CEP57L1: variants seen among roughly 807,000 people sequenced by gnomAD.
The protein encoded by CEP57L1 is centrosomal protein CEP57L1.
Under a neutral mutation model 61.0 loss-of-function variants are expected in CEP57L1, and 37 were observed. The observed-to-expected ratio is 0.61, with a 90% CI of 0.47 to 0.80. The LOEUF is 0.80. Among genes scored for constraint, CEP57L1 ranks in the 30% least tolerant of loss-of-function variants. The pLI is 0.00. For missense variants in CEP57L1, 422 were observed against 524.7 expected, an observed-to-expected ratio of 0.80 and a Z score of 1.91; for synonymous variants, 137 against 162.3, an observed-to-expected ratio of 0.84 and a Z score of 1.19.
intron 1 of CEP57L1, among the ~76,000 whole-genome samples, chr6:109,110,247 A>G (rs755368003): frequency 1.3e-5 from 2 of 152,100 alleles, no homozygotes; most frequent in Non-Finnish European, 2.9e-5. Flanking sequence ...CTGGCATGAG[A>G]TGGTATCTTA....
At chr6:109,142,435 G>A (rs1315936364) in intron 1 of CEP57L1, among the ~76,000 whole-genome samples, 1 of 152,066 alleles carries the variant, frequency 6.6e-6, no homozygotes, top group Non-Finnish European at 1.5e-5. Flanking sequence ...CACAGAGAGG[G>A]GAACAACATA....
chr6:109,118,816 C>T (rs1583441644), intron 1 of CEP57L1, among the ~76,000 whole-genome samples: 1 of 152,274 alleles, frequency 6.6e-6, no homozygotes, highest in African/African-American at 2.4e-5. Context: ...TAGGTTTTGT[C>T]TTGGAGCTCC....
intron 1 of CEP57L1, among the ~76,000 whole-genome samples, chr6:109,144,776 A>G (rs888477437): frequency 6.6e-6 from 1 of 152,094 alleles, no homozygotes; most frequent in African/African-American, 2.4e-5. Context: ...GAAGCCATAC[A>G]TTAGAATTCA....
chr6:109,152,071 C>T (rs1772671209), intron 4 of CEP57L1, among the ~76,000 whole-genome samples: 1 of 151,954 alleles, frequency 6.6e-6, no homozygotes, highest in Admixed American at 6.6e-5. Context: ...TCTGTCCCAC[C>T]TCTCTCTCTT....
At chr6:109,156,461 G>T (rs967207439) in intron 7 of CEP57L1, 2 of 152,100 alleles carry the variant, frequency 1.3e-5, no homozygotes, top group African/African-American at 4.8e-5. Context: ...TGGAGAGTTA[G>T]TACTTTATAG....
intron 1 of CEP57L1, among the ~76,000 whole-genome samples, chr6:109,144,710 C>G (rs1443093047): frequency 6.6e-6 from 1 of 151,996 alleles, no homozygotes; most frequent in Non-Finnish European, 1.5e-5. Context: ...GTGTCTTATT[C>G]AAAGGTTAAA....
intron 1 of CEP57L1, among the ~76,000 whole-genome samples, chr6:109,099,886 G>A (rs1457719730): frequency 6.6e-6 from 1 of 152,198 alleles, no homozygotes; most frequent in African/African-American, 2.4e-5. Flanking sequence ...GAGACAGCGA[G>A]TATGGATGCA....
intron 1 of CEP57L1, among the ~76,000 whole-genome samples, chr6:109,107,041 C>T (rs1206757409): frequency 4.6e-5 from 7 of 152,264 alleles, no homozygotes; most frequent in Admixed American, 1.3e-4. Flanking sequence ...ATTTCTTATA[C>T]GTTTCAAACT....
At chr6:109,133,017 T>A (rs942268647) in intron 1 of CEP57L1, among the ~76,000 whole-genome samples, 4 of 152,354 alleles carry the variant, frequency 2.6e-5, no homozygotes, top group South Asian at 4.1e-4. Context: ...AATTAATATC[T>A]ACCCAGTAGC....
rs981754726 is a variant in CEP57L1, at chr6:109,146,609, A to G, written c.161-149A>G. On this transcript the variant is annotated intron_variant, in intron 2 of 10. Transcript: ENST00000517392. ...TGTGCGCCTCTTCAAAGTGTTAGTC[A>G]TTATTTTTCATTTTTTGAAGAATAT... 1.4e-4 allele frequency: 75 copies of G among 540,572 alleles called. No homozygotes were observed. In the African/African-American group the frequency reaches 1.4e-3, roughly 10 times the overall value. The allele number at this position is 540,572 out of a possible 1,614,324, so 33.5% of individuals were successfully genotyped here.
intron 1 of CEP57L1, among the ~76,000 whole-genome samples, chr6:109,116,157 A>G (rs1397585543): frequency 3.3e-5 from 5 of 149,464 alleles, no homozygotes; most frequent in Non-Finnish European, 5.9e-5. Flanking sequence ...ATGTTATGTT[A>G]TGTTATGTTA....
At position 109,165,740 on chromosome 6, in the gene CEP57L1, A is replaced by G. The variant is rs1046598313; in HGVS notation, c.*2770A>G. ...CTTGTTGCTTCATCACAGCTACTGA[A>G]CTCACAGACTGCCTGCTTGCCAGAG... On this transcript the variant is annotated 3_prime_UTR_variant, in exon 11 of 11. Transcript: ENST00000517392. 2 of 152,216 alleles carry G rather than the reference A, an allele frequency of 1.3e-5. No individual in the cohort carries two copies. Among genetic ancestry groups the G allele is most frequent in the Admixed American group, 1.3e-4 (2 of 15,270 alleles). The allele number at this position is 152,216 out of a possible 1,614,324, so 9.4% of individuals were successfully genotyped here.
rs1379614409 is a variant in CEP57L1, at chr6:109,167,481, A to G, written c.*4511A>G. Among the ~76,000 whole-genome samples, 1 of 152,068 alleles carries G rather than the reference A, an allele frequency of 6.6e-6. No homozygotes were observed. The highest frequency in any genetic ancestry group is 2.4e-5 in the African/African-American group (1 of 41,380). ...GCGGATCACCTAAGTCAGGAGTTCA[A>G]CACCAGCCTGGCCAATGTAGTGAAA... On this transcript the variant is annotated 3_prime_UTR_variant, in exon 11 of 11. Coordinates refer to ENST00000517392, the MANE Select transcript of CEP57L1 (RefSeq NM_001271852.3).
rs926803282 is a variant in CEP57L1, at chr6:109,167,145, C to G, written c.*4175C>G. ...TAAATAGACCTTCTCAATGCCTCAG[C>G]CTTTTTCTTCATATTCCATCTACTT... is the stretch of plus-strand genomic sequence containing the variant. On this transcript the variant is annotated 3_prime_UTR_variant, in exon 11 of 11. Coordinates refer to ENST00000517392, the MANE Select transcript of CEP57L1 (RefSeq NM_001271852.3). Among the ~76,000 whole-genome samples, 1 of 152,278 alleles carries G rather than the reference C, an allele frequency of 6.6e-6. No homozygotes were observed. Among genetic ancestry groups the G allele is most frequent in the Non-Finnish European group, 1.5e-5 (1 of 68,026 alleles).
intron 4 of CEP57L1, 30 bp from the exon 5 acceptor site, chr6:109,153,803 G>T: frequency 7.6e-7 from 1 of 1,322,850 alleles, no homozygotes; most frequent in South Asian, 1.2e-5. Flanking sequence ...GCCAAATTCA[G>T]GGTTGCTATT....
intron 1 of CEP57L1, among the ~76,000 whole-genome samples, chr6:109,139,311 T>A (rs1299512692): frequency 6.6e-6 from 1 of 152,120 alleles, no homozygotes; most frequent in Non-Finnish European, 1.5e-5. Context: ...ATTTTCAGTT[T>A]AAAAAATTTT....
At chr6:109,128,965 G>A (rs995147770) in intron 1 of CEP57L1, among the ~76,000 whole-genome samples, 1 of 152,152 alleles carries the variant, frequency 6.6e-6, no homozygotes, top group Non-Finnish European at 1.5e-5. Flanking sequence ...TTGGGAGGCC[G>A]AGGCAGGTGG....
chr6:109,124,771 T>C (rs1408189690), intron 1 of CEP57L1, among the ~76,000 whole-genome samples: 1 of 152,182 alleles, frequency 6.6e-6, no homozygotes, highest in Non-Finnish European at 1.5e-5. Flanking sequence ...CAGTACCAAG[T>C]ATTCACCCTT....
At chr6:109,149,779 T>G (rs1318045334) in intron 3 of CEP57L1, among the ~76,000 whole-genome samples, 2 of 152,210 alleles carry the variant, frequency 1.3e-5, no homozygotes, top group Admixed American at 6.5e-5. Flanking sequence ...TTTGTTTGTA[T>G]CCTCTTTTAT....
Sources: allele counts gnomAD v4.1 joint callset (sites outside exome capture counted in the v4.1 genomes callset), GRCh38; gene constraint gnomAD v4.1.1; transcripts MANE v1.5; gene names NCBI Gene and HGNC (gene_info 2026-07-23, HGNC 2026-07-21).